Variants in MAGI1 observed in about 807,000 individuals in gnomAD.
MAGI1 encodes the protein membrane associated guanylate kinase, WW and PDZ domain containing 1.
Under a neutral mutation model 139.9 loss-of-function variants are expected in MAGI1, and 58 were observed. The observed-to-expected ratio is 0.41, with a 90% CI of 0.34 to 0.52. MAGI1 has a LOEUF of 0.52. Among genes scored for constraint, MAGI1 ranks in the 20% least tolerant of loss-of-function variants. The probability of loss-of-function intolerance (pLI) is 0.12; values close to 1 mark genes in which losing one functional copy is unlikely to be tolerated. For missense variants in MAGI1, 1,874 were observed against 1,901.6 expected, an observed-to-expected ratio of 0.99 and a Z score of 0.27; for synonymous variants, 812 against 737.9, an observed-to-expected ratio of 1.10 and a Z score of -1.63.
At chr3:65,482,722 C>T (rs1156835137) in intron 3 of MAGI1, among the ~76,000 whole-genome samples, 1 of 152,234 alleles carries the variant, frequency 6.6e-6, no homozygotes, top group Non-Finnish European at 1.5e-5. Flanking sequence ...GGTTTTCTAA[C>T]TGCAGAGTGT....
At chr3:65,365,012 G>T in intron 18 of MAGI1, 66 bp from the exon 19 acceptor site, 2 of 1,270,672 alleles carry the variant, frequency 1.6e-6, no homozygotes, top group Non-Finnish European at 2.3e-6. Flanking sequence ...GCCAGGAGGT[G>T]TGCAGAAGCC....
chr3:65,716,279 C>T (rs1175125102), intron 1 of MAGI1, among the ~76,000 whole-genome samples: 2 of 152,142 alleles, frequency 1.3e-5, no homozygotes, highest in African/African-American at 2.4e-5. Context: ...ATTGTAATCC[C>T]AAAGGGATTT....
intron 2 of MAGI1, among the ~76,000 whole-genome samples, chr3:65,569,220 C>T (rs1039119616): frequency 2.0e-4 from 30 of 152,028 alleles, no homozygotes; most frequent in Non-Finnish European, 4.0e-4. Flanking sequence ...ATAAGAAGTA[C>T]CTAGAATAGT....
intron 2 of MAGI1, among the ~76,000 whole-genome samples, chr3:65,535,275 G>T (rs901230712): frequency 6.6e-6 from 1 of 152,170 alleles, no homozygotes; most frequent in Non-Finnish European, 1.5e-5. Flanking sequence ...TCAAAGGGAA[G>T]ATGTGCTTCA....
At chr3:65,755,598 T>A (rs926745067) in intron 1 of MAGI1, among the ~76,000 whole-genome samples, 1 of 152,184 alleles carries the variant, frequency 6.6e-6, no homozygotes, top group African/African-American at 2.4e-5. Flanking sequence ...GCATATAAAA[T>A]GAATAAGTCT....
chr3:65,748,140 G>A (rs1278297056), intron 1 of MAGI1, among the ~76,000 whole-genome samples: 1 of 152,146 alleles, frequency 6.6e-6, no homozygotes, highest in East Asian at 1.9e-4. Flanking sequence ...CATGGGCCAG[G>A]GTGCTCCTTA....
At chr3:65,932,127 CT>C (rs1278259969) in intron 1 of MAGI1, among the ~76,000 whole-genome samples, 1 of 152,142 alleles carries the variant, frequency 6.6e-6, no homozygotes, top group African/African-American at 2.4e-5. Flanking sequence ...CTTCACTAAA[CT>C]GTTTTATTTG....
chr3:65,442,685 T>C (rs1948425931), intron 8 of MAGI1, 107 bp downstream of exon 8: 12 of 681,500 alleles, frequency 1.8e-5, no homozygotes, highest in Non-Finnish European at 2.8e-5. Flanking sequence ...AAAATTAATA[T>C]TGTTAATTGG....
At chr3:65,853,762 T>C (rs2059284673) in intron 1 of MAGI1, among the ~76,000 whole-genome samples, 1 of 152,186 alleles carries the variant, frequency 6.6e-6, no homozygotes, top group Non-Finnish European at 1.5e-5. Flanking sequence ...TTGCTGCTGA[T>C]ACTCAATATG....
chr3:65,876,995 G>A (rs931925007), intron 1 of MAGI1, among the ~76,000 whole-genome samples: 8 of 151,974 alleles, frequency 5.3e-5, no homozygotes, highest in African/African-American at 9.7e-5. Context: ...CGCCCGCCTC[G>A]GCCTCCCAAA....
intron 2 of MAGI1, among the ~76,000 whole-genome samples, chr3:65,503,221 G>C (rs2077154236): frequency 6.6e-6 from 1 of 152,186 alleles, no homozygotes; most frequent in African/African-American, 2.4e-5. Context: ...AAAGAGACTT[G>C]ACTGATTGTC....
chr3:65,816,664 A>G lies in MAGI1; in HGVS notation c.314-194576T>C, dbSNP rs187959804. On this transcript the variant is annotated intron_variant, in intron 1 of 22. Coordinates refer to ENST00000402939, the MANE Select transcript of MAGI1 (RefSeq NM_001033057.2). ...AAAAAAAAAAAAAAAGATCAATGCCATGGAAAATATGTCAAATATATTTAG... is the reference window on the plus strand; with the variant it reads ...AAAAAAAAAAAAAAAGATCAATGCCGTGGAAAATATGTCAAATATATTTAG... Among the ~76,000 whole-genome samples the G allele has an allele frequency of 2.6e-3, 392 of 152,068 alleles. 1 individual carries two copies. Among genetic ancestry groups the G allele is most frequent in the African/African-American group, 9.2e-3 (383 of 41,492 alleles).
chr3:65,675,938 A>T (rs1205637852), intron 1 of MAGI1, among the ~76,000 whole-genome samples: 1 of 152,232 alleles, frequency 6.6e-6, no homozygotes, highest in Non-Finnish European at 1.5e-5. Context: ...TAATTATGGC[A>T]GGACTCAATT....
intron 3 of MAGI1, among the ~76,000 whole-genome samples, chr3:65,490,890 T>C (rs1206633449): frequency 7.2e-6 from 1 of 138,360 alleles, no homozygotes; most frequent in Non-Finnish European, 1.6e-5. Context: ...AGCCCTCTCA[T>C]ATGGTAAGGA....
chr3:66,012,336 C>T (rs2067365523), intron 1 of MAGI1, among the ~76,000 whole-genome samples: 1 of 152,070 alleles, frequency 6.6e-6, no homozygotes, highest in South Asian at 2.1e-4. Flanking sequence ...ACAAACTATA[C>T]TTTATGCAGT....
At chr3:65,680,108 G>A (rs2087476552) in intron 1 of MAGI1, among the ~76,000 whole-genome samples, 1 of 152,126 alleles carries the variant, frequency 6.6e-6, no homozygotes. Context: ...GCATCCTATA[G>A]ACAAAGGCCT....
chr3:65,661,296 AT>A (rs1231422246), intron 1 of MAGI1, among the ~76,000 whole-genome samples: 1 of 152,300 alleles, frequency 6.6e-6, no homozygotes, highest in East Asian at 1.9e-4. Flanking sequence ...AGAATGAGTG[AT>A]TTCCTGTCAA....
chr3:65,836,808 G>A (rs114091332), intron 1 of MAGI1, among the ~76,000 whole-genome samples: 1,596 of 152,228 alleles, frequency 0.01, 31 homozygotes, highest in African/African-American at 0.034. Flanking sequence ...GAAAGAGAGA[G>A]AGAGACAGAG....
chr3:65,981,151 C>CAA (rs11429632), intron 1 of MAGI1, among the ~76,000 whole-genome samples: 35,934 of 128,696 alleles, frequency 0.28, 5,325 homozygotes, highest in South Asian at 0.43. Flanking sequence ...GACTCCATCT[C>CAA]AAAAAAAAAA....
Sources: allele counts gnomAD v4.1 joint callset (sites outside exome capture counted in the v4.1 genomes callset), GRCh38; gene constraint gnomAD v4.1.1; transcripts MANE v1.5; gene names NCBI Gene and HGNC (gene_info 2026-07-23, HGNC 2026-07-21).